Variants in SNORC observed in about 807,000 individuals in gnomAD.
The protein encoded by SNORC is secondary ossification center associated regulator of chondrocyte maturation.
In SNORC, 11 loss-of-function variants were observed where a neutral mutation model predicts 9.7. That is an observed-to-expected ratio of 1.14 (90% CI 0.72 to 1.88). The LOEUF (loss-of-function observed/expected upper bound fraction) is 1.88, where lower values mean the gene tolerates loss of function less well. Ranked by LOEUF, SNORC falls within the 40% of genes most tolerant of loss-of-function variation. The probability of loss-of-function intolerance (pLI) is 0.00; values close to 1 mark genes in which losing one functional copy is unlikely to be tolerated. For synonymous variants in SNORC, 108 were observed against 88.7 expected, an observed-to-expected ratio of 1.22 and a Z score of -1.22; for missense variants, 197 against 173.1, an observed-to-expected ratio of 1.14 and a Z score of -0.77.
upstream of SNORC, chr2:232,869,735 C>G (rs953846439): frequency 1.3e-5 from 2 of 157,794 alleles, no homozygotes; most frequent in African/African-American, 4.8e-5. Flanking sequence ...CTAGAGCTGC[C>G]TGAGGGTTTG....
upstream of SNORC, chr2:232,870,258 T>C (rs992943752): frequency 1.5e-5 from 20 of 1,294,428 alleles, no homozygotes; most frequent in Non-Finnish European, 2.0e-5. Flanking sequence ...CCCAGCCCTT[T>C]GATGCCTCTT....
At chr2:232,874,594 T>TG (rs1369009185) in intron 1 of SNORC, among the ~76,000 whole-genome samples, 1 of 152,244 alleles carries the variant, frequency 6.6e-6, no homozygotes, top group African/African-American at 2.4e-5. Context: ...TTGCCCTAGA[T>TG]GGACACAACT....
rs751208758 is a variant in SNORC, at chr2:232,876,033, G to T, written c.167G>T (p.Arg56Leu). ...CCCGTGGAGAGCACCAGCCCCGGCC[G>T]GGAGCCCGTGGACACCGGTCCCCCA... The change falls in exon 2 of 3, where the codon CGG (arginine) becomes CTG (leucine). Residue 56 changes from arginine to leucine, a missense_variant. Arg to Leu is a moderately radical substitution (Grantham distance 102). Transcript: ENST00000331342. The surrounding 1 kb of genome is among the most constrained non-coding windows in gnomAD (Gnocchi z 6.8). 2.0e-5 allele frequency: 31 copies of T among 1,544,226 alleles called. No individual in the cohort carries two copies. In the South Asian group the frequency reaches 3.6e-4, roughly 18 times the overall value.
intron 1 of SNORC, among the ~76,000 whole-genome samples, chr2:232,874,080 C>A (rs1320572355): frequency 1.3e-5 from 2 of 152,176 alleles, no homozygotes; most frequent in African/African-American, 4.8e-5. Context: ...CCTCTCCAGG[C>A]TTGAGAGAGG....
chr2:232,871,784 C>G (rs772610923), intron 1 of SNORC, among the ~76,000 whole-genome samples: 5 of 152,226 alleles, frequency 3.3e-5, no homozygotes, highest in African/African-American at 4.8e-5. Context: ...GCTTCTCCAG[C>G]CTGGTGGTCC....
At chr2:232,876,807 C>G (rs1691270963), downstream of SNORC, 4 of 985,324 alleles carry the variant, frequency 4.1e-6, no homozygotes, top group Non-Finnish European at 4.8e-6. The surrounding 1 kb of genome is among the most constrained non-coding windows in gnomAD (Gnocchi z 6.8). Flanking sequence ...ACGCCACGGG[C>G]GGCCCCTTCT....
At chr2:232,874,928 C>T (rs1208850020) in intron 1 of SNORC, among the ~76,000 whole-genome samples, 3 of 152,206 alleles carry the variant, frequency 2.0e-5, no homozygotes, top group Admixed American at 2.0e-4. Context: ...AAAAGCAGTT[C>T]CCACACCACA....
chr2:232,867,656 G>C (rs1690904186), upstream of SNORC, among the ~76,000 whole-genome samples: 1 of 152,226 alleles, frequency 6.6e-6, no homozygotes, highest in African/African-American at 2.4e-5. Context: ...GCTCACGCCT[G>C]CCTCGTCCTG....
chr2:232,867,019 G>C (rs867223130), upstream of SNORC, among the ~76,000 whole-genome samples: 10 of 152,198 alleles, frequency 6.6e-5, no homozygotes, highest in Middle Eastern at 3.4e-3. Context: ...TCTCGAACTC[G>C]TTACCTCAAG....
chr2:232,867,644 T>C (rs1485341706), upstream of SNORC, among the ~76,000 whole-genome samples: 2 of 152,240 alleles, frequency 1.3e-5, no homozygotes, highest in Non-Finnish European at 2.9e-5. Context: ...CTTGCAGCCT[T>C]GGCTCACGCC....
upstream of SNORC, among the ~76,000 whole-genome samples, chr2:232,867,056 G>C (rs1224032483): frequency 6.6e-6 from 1 of 152,104 alleles, no homozygotes; most frequent in East Asian, 1.9e-4. Flanking sequence ...GCCTCCCAAA[G>C]TGTTGGGATT....
chr2:232,875,837 C>A, intron 1 of SNORC, 103 bp from the exon 2 acceptor site: 2 of 1,221,808 alleles, frequency 1.6e-6, no homozygotes, highest in Non-Finnish European at 2.2e-6. Flanking sequence ...AGCCCAGACC[C>A]CTCACACAGC....
intron 1 of SNORC, among the ~76,000 whole-genome samples, chr2:232,873,488 T>C (rs1015068706): frequency 3.9e-5 from 6 of 152,142 alleles, no homozygotes; most frequent in African/African-American, 1.4e-4. Flanking sequence ...TCTCAGGGGC[T>C]GGAGGCCTGC....
intron 1 of SNORC, among the ~76,000 whole-genome samples, chr2:232,873,754 T>G (rs1216702637): frequency 2.6e-5 from 4 of 152,138 alleles, no homozygotes; most frequent in African/African-American, 9.7e-5. Flanking sequence ...GCCTGGGGCC[T>G]TCCATGGGGA....
chr2:232,870,623 G>A (rs1002058561), intron 1 of SNORC, among the ~76,000 whole-genome samples: 3 of 152,194 alleles, frequency 2.0e-5, no homozygotes, highest in African/African-American at 7.2e-5. Flanking sequence ...TAGCAGGAGG[G>A]ATAATGGCCT....
intron 1 of SNORC, among the ~76,000 whole-genome samples, chr2:232,871,549 T>C (rs1691025127): frequency 6.6e-6 from 1 of 152,164 alleles, no homozygotes; most frequent in Admixed American, 6.5e-5. Context: ...ATGTGGATTC[T>C]GTGGTCCGAG....
intron 1 of SNORC, among the ~76,000 whole-genome samples, chr2:232,870,755 C>T (rs1245149579): frequency 6.6e-6 from 1 of 152,034 alleles, no homozygotes. Context: ...AGCTGGGGCA[C>T]CAGGCACAGG....
chr2:232,876,508 AG>A, downstream of SNORC: 1 of 1,278,492 alleles, frequency 7.8e-7, no homozygotes, highest in Non-Finnish European at 9.8e-7. This position sits in a 1 kb window ranked among gnomAD's most constrained non-coding sequence, Gnocchi z 6.8. Flanking sequence ...CGCGGGGCCG[AG>A]GGTGGGTGCC....
upstream of SNORC, among the ~76,000 whole-genome samples, chr2:232,869,445 GAA>G (rs932503912): frequency 6.6e-6 from 1 of 152,198 alleles, no homozygotes; most frequent in Non-Finnish European, 1.5e-5. Flanking sequence ...GGAAGTGAGG[GAA>G]AGAGACACCT....
Sources: gnomAD v4.1 joint callset for allele counts (sites outside exome capture counted in the v4.1 genomes callset) on GRCh38, gnomAD v4.1.1 for gene constraint, Gnocchi (gnomAD v3.1) non-coding constraint, MANE v1.5 for transcripts, NCBI Gene and HGNC (gene_info 2026-07-23, HGNC 2026-07-21) for gene names.